PLEKHM3: variants seen among roughly 807,000 people sequenced by gnomAD.
The protein encoded by PLEKHM3 is pleckstrin homology domain containing M3.
Under a neutral mutation model 81.8 loss-of-function variants are expected in PLEKHM3, and 45 were observed. The ratio of observed to expected loss-of-function variants is 0.55; its 90% CI spans 0.43 to 0.71. The LOEUF is 0.71. PLEKHM3 is among the 30% of genes least tolerant of loss of function. PLEKHM3 has a pLI of 0.00. For missense variants in PLEKHM3, 788 were observed against 924.3 expected (o/e 0.85, Z 1.91); for synonymous variants, 352 against 356.4 (o/e 0.99, Z 0.14).
chr2:207,826,714 A>G lies in PLEKHM3; in HGVS notation c.*1605T>C, dbSNP rs958442345. ...GAAGCGGCGTGTGGGGGAAAGGAGCAATGGGGTTGAATGTACCAAGTATGT... is the reference window on the plus strand; with the variant it reads ...GAAGCGGCGTGTGGGGGAAAGGAGCGATGGGGTTGAATGTACCAAGTATGT... On this transcript the variant is annotated 3_prime_UTR_variant, in exon 8 of 8. Coordinates refer to ENST00000427836, the MANE Select transcript of PLEKHM3 (RefSeq NM_001080475.3). The G allele has an allele frequency of 6.6e-6, 1 of 152,170 alleles. No homozygotes were observed. Among genetic ancestry groups the G allele is most frequent in the African/African-American group, 2.4e-5 (1 of 41,430 alleles). The allele number at this position is 152,170 out of a possible 1,614,324, so 9.4% of individuals were successfully genotyped here.
chr2:207,971,979 T>A (rs1283304237), intron 3 of PLEKHM3, among the ~76,000 whole-genome samples: 4 of 152,262 alleles, frequency 2.6e-5, no homozygotes, highest in African/African-American at 7.2e-5. Context: ...TGGCACCATC[T>A]CTGAGAGTTC....
chr2:207,945,125 T>C (rs904556949), intron 4 of PLEKHM3, among the ~76,000 whole-genome samples: 3 of 152,224 alleles, frequency 2.0e-5, no homozygotes, highest in African/African-American at 4.8e-5. Flanking sequence ...CAGTTCTCAG[T>C]GCTCATCTTA....
intron 6 of PLEKHM3, among the ~76,000 whole-genome samples, chr2:207,865,797 A>ATATATATATAT (rs1559212735): frequency 1.6e-4 from 6 of 38,102 alleles, no homozygotes; most frequent in African/African-American, 6.7e-4. Flanking sequence ...AAAAAAAAAA[A>ATATATATATAT]AAAAAGATAT....
intron 3 of PLEKHM3, among the ~76,000 whole-genome samples, chr2:207,955,721 T>C (rs1020657325): frequency 6.6e-6 from 1 of 152,196 alleles, no homozygotes; most frequent in African/African-American, 2.4e-5. Flanking sequence ...CAGGTAGTTA[T>C]CTCCTTTTGT....
At chr2:207,952,392 G>C (rs193108465) in intron 3 of PLEKHM3, among the ~76,000 whole-genome samples, 1 of 152,264 alleles carries the variant, frequency 6.6e-6, no homozygotes, top group African/African-American at 2.4e-5. Context: ...TTGATCATAT[G>C]CTCTTCAGAC....
At chr2:207,960,747 G>C (rs1007672742) in intron 3 of PLEKHM3, among the ~76,000 whole-genome samples, 1 of 152,102 alleles carries the variant, frequency 6.6e-6, no homozygotes, top group Non-Finnish European at 1.5e-5. Context: ...GGGGCTGCCT[G>C]GAAACCTTTA....
chr2:207,888,615 C>T (rs368614238), intron 6 of PLEKHM3, among the ~76,000 whole-genome samples: 140 of 152,216 alleles, frequency 9.2e-4, no homozygotes, highest in African/African-American at 3.2e-3. Flanking sequence ...AGGTTGGTCT[C>T]GAACTCCTGA....
rs2092235575 is a variant in PLEKHM3 at position 207,824,172 on chromosome 2, C to T, written c.*4147G>A. On this transcript the variant is annotated 3_prime_UTR_variant, in exon 8 of 8. Coordinates refer to ENST00000427836, the MANE Select transcript of PLEKHM3 (RefSeq NM_001080475.3). ...GCAGGGGAAACAGAGAGTGCCGCTACCGATTCAGGTCACGCAAAGGAGGGA... is the reference window on the plus strand; with the variant it reads ...GCAGGGGAAACAGAGAGTGCCGCTATCGATTCAGGTCACGCAAAGGAGGGA... 1 of 152,208 alleles carries T rather than the reference C, an allele frequency of 6.6e-6. No individual in the cohort carries two copies. The highest frequency in any genetic ancestry group is 2.4e-5 in the African/African-American group (1 of 41,440). 9.4% of individuals were successfully genotyped at this position (152,208 alleles called of 1,614,324 possible). A position where few individuals can be genotyped will look rare whatever the true frequency, so the allele number is the denominator to read the frequency against.
chr2:207,897,590 C>T (rs1688266722), intron 6 of PLEKHM3, among the ~76,000 whole-genome samples: 1 of 152,128 alleles, frequency 6.6e-6, no homozygotes, highest in Admixed American at 6.5e-5. Context: ...GGTGAGTCGG[C>T]ATTTGAACAT....
At chr2:207,980,375 A>T (rs1691477825) in intron 2 of PLEKHM3, among the ~76,000 whole-genome samples, 1 of 152,076 alleles carries the variant, frequency 6.6e-6, no homozygotes, top group Non-Finnish European at 1.5e-5. Flanking sequence ...CGGCGAGGGA[A>T]TCTTCAAGGT....
chr2:207,953,388 G>A (rs1574438478), intron 3 of PLEKHM3, among the ~76,000 whole-genome samples: 1 of 104,768 alleles, frequency 9.5e-6, no homozygotes, highest in South Asian at 2.7e-4. Flanking sequence ...CTGTTCATCA[G>A]AATTTTTTTT....
intron 6 of PLEKHM3, among the ~76,000 whole-genome samples, chr2:207,863,317 C>CA (rs1455111313): frequency 6.6e-6 from 1 of 152,236 alleles, no homozygotes; most frequent in Non-Finnish European, 1.5e-5. Flanking sequence ...ATGAAAACCC[C>CA]TCTGATGGCC....
chr2:207,936,848 TGTG>T (rs1689772399), intron 4 of PLEKHM3, among the ~76,000 whole-genome samples: 2 of 62,796 alleles, frequency 3.2e-5, no homozygotes, highest in Admixed American at 2.7e-4. Flanking sequence ...GATAAATTAG[TGTG>T]TGTGTGTGTG....
In PLEKHM3 at chr2:207,861,176, C is replaced by T. The variant is rs910490228; in HGVS notation, c.2037G>A (p.Gln679=). 6.2e-7 allele frequency: 1 copy of T among 1,614,150 alleles called. No homozygotes were observed. Among genetic ancestry groups the T allele is most frequent in the Non-Finnish European group, 8.5e-7 (1 of 1,180,006 alleles). Residue 679 remains glutamine, a synonymous_variant, in exon 7 of 8, where the codon CAG becomes CAA. Coordinates refer to ENST00000427836, the MANE Select transcript of PLEKHM3 (RefSeq NM_001080475.3). ...TACAGATTTCACAGATGAACCCCTT[C>T]TGGCTACAAAGACTGCAGCTGTACA... ...SHVYSCSLCS[Q]KGFICEICNN... is the part of the protein sequence containing the mutation.
Position 207,828,477 on chromosome 2 carries a change from C to T in PLEKHM3, c.2128G>A (p.Val710Ile), listed in dbSNP as rs768702230. The change falls in exon 8 of 8, where the codon GTT becomes ATT. Residue 710 changes from valine (V) to isoleucine (I), a missense_variant. Physicochemically the swap from Val to Ile is conservative, Grantham distance 29. Transcript: ENST00000427836. ...TTTTCTTTGCATTCAGAATGGAAAA[C>T]GGCTCCACAGCTTTCACACCTGCAA... is the stretch of plus-strand genomic sequence containing the variant. The part of the protein sequence containing the change: ...STSRCESCGA[V>I]FHSECKEKSV... 7.4e-6 allele frequency: 12 copies of T among 1,613,738 alleles called. No homozygotes were observed. Among genetic ancestry groups the T allele is most frequent in the African/African-American group, 5.3e-5 (4 of 74,870 alleles).
At chr2:207,883,426 C>G (rs1254070535) in intron 6 of PLEKHM3, among the ~76,000 whole-genome samples, 1 of 152,154 alleles carries the variant, frequency 6.6e-6, no homozygotes, top group Non-Finnish European at 1.5e-5. Flanking sequence ...AAATCACCAC[C>G]AAATAATTGG....
chr2:207,887,800 AG>A (rs1241274456), intron 6 of PLEKHM3, among the ~76,000 whole-genome samples: 1 of 152,206 alleles, frequency 6.6e-6, no homozygotes, highest in Non-Finnish European at 1.5e-5. Context: ...CAGCACTGCC[AG>A]GGCAGTCAAG....
In PLEKHM3 at chr2:207,883,084, G is replaced by GT; in HGVS notation, c.1951-21823dup. ...ACTCAACTTAGGATGCTCCACACCTGTGACGTTACCATTGGTTGACAAGGC... is the reference window on the plus strand; with the variant it reads ...ACTCAACTTAGGATGCTCCACACCTGTTGACGTTACCATTGGTTGACAAGGC... On this transcript the variant is annotated intron_variant, in intron 6 of 7. Transcript: ENST00000427836. Among the ~76,000 whole-genome samples the GT allele has an allele frequency of 2.0e-5, 3 of 152,264 alleles. No homozygotes were observed. In the Middle Eastern group the frequency reaches 0.01, roughly 518 times the overall value.
chr2:207,828,028 C>T lies in PLEKHM3; in HGVS notation c.*291G>A, dbSNP rs552351332. Reference sequence around the variant, plus strand: ...TCTGAACTATAAAGCATTGTGTATACCACGTTTTGTCTGGGAGCAAGCAGC... The same window carrying T: ...TCTGAACTATAAAGCATTGTGTATATCACGTTTTGTCTGGGAGCAAGCAGC... On this transcript the variant is annotated 3_prime_UTR_variant, in exon 8 of 8. Coordinates refer to ENST00000427836, the MANE Select transcript of PLEKHM3 (RefSeq NM_001080475.3). 1.9e-5 allele frequency: 4 copies of T among 208,374 alleles called. No homozygotes were observed. In the East Asian group the frequency reaches 4.2e-4, roughly 22 times the overall value. The allele number at this position is 208,374 out of a possible 1,614,324, so 12.9% of individuals were successfully genotyped here.
Sources: gnomAD v4.1 joint callset for allele counts (sites outside exome capture counted in the v4.1 genomes callset) on GRCh38, gnomAD v4.1.1 for gene constraint, MANE v1.5 for transcripts, NCBI Gene and HGNC (gene_info 2026-07-23, HGNC 2026-07-21) for gene names.